ACSS1: variants seen among roughly 807,000 people sequenced by gnomAD.
The protein encoded by ACSS1 is acetyl-coenzyme A synthetase 2-like, mitochondrial.
Under a neutral mutation model 75.3 loss-of-function variants are expected in ACSS1, and 42 were observed. The ratio of observed to expected loss-of-function variants is 0.56; its 90% CI spans 0.44 to 0.72. ACSS1 has a LOEUF of 0.72. Ranked by LOEUF, ACSS1 falls within the 30% of genes least tolerant of loss-of-function variation. The pLI, the probability that ACSS1 is intolerant of heterozygous loss-of-function variation, is 0.00. For synonymous variants in ACSS1, 380 were observed against 376.8 expected (o/e 1.01, Z -0.10); for missense variants, 782 against 935.7 (o/e 0.84, Z 2.14).
intron 1 of ACSS1, among the ~76,000 whole-genome samples, chr20:25,057,017 A>T (rs1243653739): frequency 1.3e-5 from 2 of 152,218 alleles, no homozygotes; most frequent in Non-Finnish European, 2.9e-5. Context: ...GCAGAGCAGC[A>T]GGGCCTCTGC....
chr20:25,017,785 T>C (rs552661605), intron 7 of ACSS1, among the ~76,000 whole-genome samples: 34 of 152,322 alleles, frequency 2.2e-4, no homozygotes, highest in Non-Finnish European at 3.8e-4. Flanking sequence ...GCGGTACCCC[T>C]TGTCATTGGA....
Position 25,017,186 on chromosome 20 carries a change from G to T in ACSS1, c.1247-1956C>A, listed in dbSNP as rs182273867. 2.4e-3 allele frequency among the ~76,000 whole-genome samples: 365 copies of T among 152,206 alleles called. 2 individuals carry two copies. The highest frequency in any genetic ancestry group is 8.5e-3 in the African/African-American group (354 of 41,512). On this transcript the variant is annotated intron_variant, in intron 7 of 13. Transcript: ENST00000323482. ...TAAGGACATCAGCTTTAAGTACAAT[G>T]CTCCAATTTCTTCTTTTCACAAGAG...
Position 25,019,739 on chromosome 20 carries a change from GAA to G in ACSS1, c.1246+269_1246+270del, listed in dbSNP as rs1568833344. On this transcript the variant is annotated intron_variant, in intron 7 of 13. Transcript: ENST00000323482. Reference sequence around the variant, plus strand: ...TATTGAGTGGGTAAGTATTCCTAATGAAGATTAAGCTACAGAAATTGGGCACA... The same window carrying G: ...TATTGAGTGGGTAAGTATTCCTAATGGATTAAGCTACAGAAATTGGGCACA... Among the ~76,000 whole-genome samples the G allele has an allele frequency of 5.3e-5, 8 of 152,360 alleles. No individual in the cohort carries two copies. In the East Asian group the frequency reaches 1.5e-3, roughly 29 times the overall value.
In ACSS1 at chr20:25,017,622, CA is replaced by C. The variant is rs368559806; in HGVS notation, c.1246+2387del. Among the ~76,000 whole-genome samples, 480 of 152,346 alleles carry C rather than the reference CA, an allele frequency of 3.2e-3. 7 individuals carry two copies. The highest frequency in any genetic ancestry group is 0.021 in the Admixed American group (316 of 15,310). ...TGTGCCTATCAACCAGCTAAATACA[CA>C]AAACCCAGCTGAGCCTCTGCTGGGG... On this transcript the variant is annotated intron_variant, in intron 7 of 13. Transcript: ENST00000323482.
intron 9 of ACSS1, 123 bp from the exon 10 acceptor site, chr20:25,013,785 C>T: frequency 2.1e-6 from 3 of 1,405,162 alleles, no homozygotes; most frequent in Non-Finnish European, 1.9e-6. Flanking sequence ...TGAGGAGGGC[C>T]CCAAGCCACC....
intron 7 of ACSS1, among the ~76,000 whole-genome samples, chr20:25,019,202 C>T (rs1005210327): frequency 9.2e-5 from 14 of 152,248 alleles, no homozygotes; most frequent in Non-Finnish European, 2.9e-5. Context: ...CGTGACCACA[C>T]GTCAAGGCAG....
chr20:25,039,107 G>A (rs547103685), intron 2 of ACSS1, among the ~76,000 whole-genome samples: 96 of 152,244 alleles, frequency 6.3e-4, no homozygotes, highest in African/African-American at 2.3e-3. Context: ...TGCTCCCACA[G>A]AGCAGGTTCC....
At chr20:25,034,242 A>G (rs1267970072) in intron 2 of ACSS1, among the ~76,000 whole-genome samples, 3 of 152,220 alleles carry the variant, frequency 2.0e-5, no homozygotes, top group African/African-American at 7.2e-5. Context: ...ATGGGGCCAC[A>G]TCTCTGTCAC....
In ACSS1 at chr20:25,057,251, G is replaced by A. The variant is rs1234312527; in HGVS notation, c.334+518C>T. Among the ~76,000 whole-genome samples the A allele has an allele frequency of 2.0e-5, 3 of 152,186 alleles. No homozygotes were observed. The East Asian group carries it at 5.8e-4, about 29-fold the overall frequency. On this transcript the variant is annotated intron_variant, in intron 1 of 13. Coordinates refer to ENST00000323482, the MANE Select transcript of ACSS1 (RefSeq NM_032501.4). ...GCCACGCCGAGTTTCCTCCTCCCCA[G>A]GTCGCCCGCCACAGCTCTGTTTGTT...
At chr20:25,037,942 A>AG (rs1393087232) in intron 2 of ACSS1, among the ~76,000 whole-genome samples, 1 of 152,260 alleles carries the variant, frequency 6.6e-6, no homozygotes, top group Non-Finnish European at 1.5e-5. Flanking sequence ...GTCAGCTAGC[A>AG]GGGCTCATAA....
chr20:25,038,098 C>G (rs1300764330), intron 2 of ACSS1, among the ~76,000 whole-genome samples: 2 of 152,296 alleles, frequency 1.3e-5, no homozygotes, highest in East Asian at 3.9e-4. Flanking sequence ...ACAGCGAGGG[C>G]CCCCAGGAGA....
intron 5 of ACSS1, among the ~76,000 whole-genome samples, chr20:25,022,617 T>C (rs1205018459): frequency 6.6e-6 from 1 of 152,228 alleles, no homozygotes; most frequent in Non-Finnish European, 1.5e-5. Flanking sequence ...CATTAAGCCA[T>C]GCATTTAATT....
intron 7 of ACSS1, among the ~76,000 whole-genome samples, chr20:25,018,010 C>T (rs138773113): frequency 2.8e-4 from 43 of 152,374 alleles, no homozygotes; most frequent in African/African-American, 9.4e-4. Flanking sequence ...CAGAATCACA[C>T]GGGCCTCTCA....
At position 25,023,738 on chromosome 20, in the gene ACSS1, G is replaced by GA. The variant is rs1447030740; in HGVS notation, c.632-98dup. On this transcript the variant is annotated intron_variant, in intron 3 of 13. Coordinates refer to ENST00000323482, the MANE Select transcript of ACSS1 (RefSeq NM_032501.4). The stretch of plus-strand genomic sequence containing the variant: ...AGGACATCCAGGCCTAGGAGTGTGA[G>GA]AAACTCAGTCCAATCTTGAGTAAAA... 2.5e-6 allele frequency: 3 copies of GA among 1,212,324 alleles called. No homozygotes were observed. In the Admixed American group the frequency reaches 7.7e-5, roughly 31 times the overall value. 75.1% of individuals were successfully genotyped at this position (1,212,324 alleles called of 1,614,324 possible).
intron 12 of ACSS1, 175 bp downstream of exon 12, chr20:25,012,426 C>T (rs375852035): frequency 2.1e-5 from 16 of 753,432 alleles, no homozygotes; most frequent in South Asian, 7.0e-5. Flanking sequence ...CGACCGAACA[C>T]GAGTGCTATT....
intron 3 of ACSS1, among the ~76,000 whole-genome samples, chr20:25,026,498 G>T (rs1175037030): frequency 6.6e-6 from 1 of 152,170 alleles, no homozygotes; most frequent in Non-Finnish European, 1.5e-5. Flanking sequence ...ATGTGAAGAG[G>T]CCACGTGGAG....
chr20:25,008,488 T>G (rs971585297), intron 13 of ACSS1, among the ~76,000 whole-genome samples: 6 of 152,234 alleles, frequency 3.9e-5, no homozygotes, highest in Admixed American at 2.0e-4. Context: ...TCAGTTCACC[T>G]AGGGTGAGTC....
intron 10 of ACSS1, among the ~76,000 whole-genome samples, chr20:25,013,188 A>C (rs1024820517): frequency 7.2e-5 from 11 of 152,352 alleles, no homozygotes; most frequent in Non-Finnish European, 1.2e-4. Context: ...AGTCTTGTTT[A>C]CGACAAAAAG....
intron 7 of ACSS1, among the ~76,000 whole-genome samples, chr20:25,018,277 C>G (rs185695540): frequency 2.6e-5 from 4 of 152,334 alleles, no homozygotes; most frequent in African/African-American, 9.6e-5. Context: ...GACGATGCAG[C>G]AAGAAGGCCC....
Sources: allele counts gnomAD v4.1 joint callset (sites outside exome capture counted in the v4.1 genomes callset), GRCh38; gene constraint gnomAD v4.1.1; transcripts MANE v1.5; gene names NCBI Gene and HGNC (gene_info 2026-07-23, HGNC 2026-07-21).